Variants in PDE4D observed in about 807,000 individuals in gnomAD.
PDE4D encodes phosphodiesterase 4D, also known as 3',5'-cyclic-AMP phosphodiesterase 4D.
PDE4D carries 24 observed loss-of-function variants against 87.4 expected under a neutral mutation model. The ratio of observed to expected loss-of-function variants is 0.27; its 90% CI spans 0.20 to 0.39. The LOEUF is 0.39. Ranked by LOEUF, PDE4D falls within the 10% of genes least tolerant of loss-of-function variation. The pLI is 1.00. For missense variants in PDE4D, 714 were observed against 1,041.0 expected, an observed-to-expected ratio of 0.69 and a Z score of 4.32; for synonymous variants, 384 against 383.2, an observed-to-expected ratio of 1.00 and a Z score of -0.02.
chr5:59,601,793 G>A (rs1333665199), intron 1 of PDE4D, among the ~76,000 whole-genome samples: 1 of 152,026 alleles, frequency 6.6e-6, no homozygotes, highest in African/African-American at 2.4e-5. Context: ...TCTCCTCAGA[G>A]CCCCAAGTGT....
intron 1 of PDE4D, among the ~76,000 whole-genome samples, chr5:59,543,162 C>T (rs1433795691): frequency 6.6e-6 from 1 of 152,116 alleles, no homozygotes; most frequent in Non-Finnish European, 1.5e-5. Context: ...TGAAACGACA[C>T]AGAAATAAAT....
intron 1 of PDE4D, chr5:59,768,409 C>T (rs1394408692): frequency 1.3e-6 from 2 of 1,598,238 alleles, no homozygotes; most frequent in African/African-American, 2.7e-5. Flanking sequence ...CAGGTTTTCT[C>T]GCAAGGATTT....
At chr5:59,139,649 T>C (rs1488159140) in intron 5 of PDE4D, among the ~76,000 whole-genome samples, 1 of 151,926 alleles carries the variant, frequency 6.6e-6, no homozygotes, top group Non-Finnish European at 1.5e-5. Flanking sequence ...ATTTTTTTTA[T>C]TTTTATTTTT....
At position 60,324,624 on chromosome 5, in the gene PDE4D, C is replaced by T. The variant is rs77505139; in HGVS notation, c.-89-138937G>A. Among the ~76,000 whole-genome samples the T allele has an allele frequency of 0.012, 1,833 of 152,236 alleles. 59 individuals carry two copies. The East Asian group carries it at 0.13, about 11-fold the overall frequency. ...CTGCACTCCAGCATGGATGACAGAG[C>T]GAGACTCCGTCTCAAAACAAAGACA... On this transcript the variant is annotated intron_variant, in intron 1 of 16. Transcript: ENST00000502484.
At chr5:59,049,683 C>CA (rs1301574032) in intron 5 of PDE4D, among the ~76,000 whole-genome samples, 1 of 152,128 alleles carries the variant, frequency 6.6e-6, no homozygotes, top group Admixed American at 6.6e-5. Context: ...AGCATAAGTT[C>CA]ATATTATCAA....
At position 59,929,921 on chromosome 5, in the gene PDE4D, GA is replaced by G. The variant is rs377545947; in HGVS notation, c.272+58566del. Among the ~76,000 whole-genome samples, 541 of 152,118 alleles carry G rather than the reference GA, an allele frequency of 3.6e-3. 9 individuals are homozygous for G. The highest frequency in any genetic ancestry group is 0.012 in the African/African-American group (512 of 41,524). ...TTGAGCAGTGCAATCACGTAGTCTT[GA>G]AAAAATGTTAGCTTCATGCAAATAT... On this transcript the variant is annotated intron_variant, in intron 3 of 16. Transcript: ENST00000502484.
intron 1 of PDE4D, among the ~76,000 whole-genome samples, chr5:59,485,331 GTTATTTA>G (rs1804944348): frequency 6.6e-6 from 1 of 151,966 alleles, no homozygotes; most frequent in South Asian, 2.1e-4. Context: ...GTACGCCACC[GTTATTTA>G]TTAAAGAGTA....
chr5:59,167,152 C>A (rs1782040312), intron 5 of PDE4D, among the ~76,000 whole-genome samples: 1 of 152,132 alleles, frequency 6.6e-6, no homozygotes, highest in African/African-American at 2.4e-5. Context: ...CAGAAAAGAT[C>A]TAACACATCG....
intron 1 of PDE4D, among the ~76,000 whole-genome samples, chr5:59,423,576 C>T (rs1383779922): frequency 6.6e-6 from 1 of 152,014 alleles, no homozygotes; most frequent in African/African-American, 2.4e-5. Flanking sequence ...AAAAGAAAAA[C>T]AGCTAGTTAA....
intron 1 of PDE4D, among the ~76,000 whole-genome samples, chr5:59,834,991 A>G (rs1741787594): frequency 6.6e-6 from 1 of 152,010 alleles, no homozygotes; most frequent in Non-Finnish European, 1.5e-5. Context: ...GGATCTAAAA[A>G]TATAATACAC....
chr5:60,117,690 A>T (rs996445536), intron 2 of PDE4D, among the ~76,000 whole-genome samples: 3 of 152,018 alleles, frequency 2.0e-5, no homozygotes, highest in Non-Finnish European at 4.4e-5. Context: ...AATAGTTACT[A>T]TTCTTTCTGG....
chr5:59,985,663 AT>A (rs1367271724), intron 3 of PDE4D, among the ~76,000 whole-genome samples: 1 of 152,174 alleles, frequency 6.6e-6, no homozygotes, highest in East Asian at 1.9e-4. Flanking sequence ...AAGAAAAATT[AT>A]TTTCTTCATA....
chr5:59,923,402 G>C (rs549272802), intron 3 of PDE4D, among the ~76,000 whole-genome samples: 1 of 152,194 alleles, frequency 6.6e-6, no homozygotes, highest in Non-Finnish European at 1.5e-5. Context: ...GGCCTTGAGA[G>C]AGATCCAATG....
chr5:60,084,389 C>T (rs576519807), intron 2 of PDE4D, among the ~76,000 whole-genome samples: 447 of 151,438 alleles, frequency 3.0e-3, no homozygotes, highest in Middle Eastern at 6.9e-3. Flanking sequence ...CGCATCTTAA[C>T]GTGTGTGTGT....
intron 1 of PDE4D, among the ~76,000 whole-genome samples, chr5:59,449,555 C>T (rs1272027310): frequency 6.6e-6 from 1 of 152,130 alleles, no homozygotes; most frequent in Admixed American, 6.5e-5. Flanking sequence ...CTCTTCTTAC[C>T]TGCCACAAAT....
intron 1 of PDE4D, among the ~76,000 whole-genome samples, chr5:59,849,875 G>T (rs1744415928): frequency 6.6e-6 from 1 of 152,016 alleles, no homozygotes; most frequent in African/African-American, 2.4e-5. Context: ...AAAGCAAGTA[G>T]TATTGAAAAC....
chr5:59,788,238 G>A (rs1010226549), intron 1 of PDE4D, among the ~76,000 whole-genome samples: 1 of 152,104 alleles, frequency 6.6e-6, no homozygotes, highest in Non-Finnish European at 1.5e-5. Flanking sequence ...AGAAAAAAAA[G>A]AGACAAGGTT....
intron 3 of PDE4D, among the ~76,000 whole-genome samples, chr5:59,942,506 A>T (rs1181658124): frequency 6.6e-6 from 1 of 152,162 alleles, no homozygotes; most frequent in African/African-American, 2.4e-5. Flanking sequence ...GAATATGGTA[A>T]GAAAGTGGAG....
At chr5:59,831,039 T>C (rs1235642520) in intron 1 of PDE4D, among the ~76,000 whole-genome samples, 1 of 151,924 alleles carries the variant, frequency 6.6e-6, no homozygotes, top group Non-Finnish European at 1.5e-5. Flanking sequence ...ATATTAAAAA[T>C]ATAAGGGTTT....
Sources: allele counts gnomAD v4.1 joint callset (sites outside exome capture counted in the v4.1 genomes callset), GRCh38; gene constraint gnomAD v4.1.1; transcripts MANE v1.5; gene names NCBI Gene and HGNC (gene_info 2026-07-23, HGNC 2026-07-21).